KDELR1: variants seen among roughly 807,000 people sequenced by gnomAD.
The protein encoded by KDELR1 is ER lumen protein-retaining receptor 1.
Under a neutral mutation model 25.5 loss-of-function variants are expected in KDELR1, and 16 were observed. The ratio of observed to expected loss-of-function variants is 0.63; its 90% CI spans 0.43 to 0.95. The LOEUF is 0.95. Among genes scored for constraint, KDELR1 ranks in the 40% least tolerant of loss-of-function variants. The pLI is 0.00. For synonymous variants in KDELR1, 121 were observed against 115.0 expected, an observed-to-expected ratio of 1.05 and a Z score of -0.33; for missense variants, 159 against 265.2, an observed-to-expected ratio of 0.60 and a Z score of 2.78.
At chr19:48,387,154 C>T (rs1345362514) in intron 3 of KDELR1, among the ~76,000 whole-genome samples, 1 of 151,916 alleles carries the variant, frequency 6.6e-6, no homozygotes, top group Non-Finnish European at 1.5e-5. Flanking sequence ...CCTCAGTCTC[C>T]CCATCTTCAA....
chr19:48,389,432 G>A (rs866906003), intron 3 of KDELR1, 121 bp downstream of exon 3: 2 of 1,125,082 alleles, frequency 1.8e-6, no homozygotes, highest in East Asian at 2.4e-5. Flanking sequence ...CTGAACTTAT[G>A]CATCCTAAAA....
intron 1 of KDELR1, chr19:48,390,936 G>T: frequency 2.2e-6 from 1 of 463,908 alleles, no homozygotes; most frequent in East Asian, 4.4e-5. Flanking sequence ...TCCCTTCCTG[G>T]CCGCCACGGT....
chr19:48,395,848 G>GCTGGGGAC (rs1970633365), upstream of KDELR1, among the ~76,000 whole-genome samples: 4 of 152,072 alleles, frequency 2.6e-5, no homozygotes, highest in Non-Finnish European at 2.9e-5. Context: ...GAAGAGGGGA[G>GCTGGGGAC]CTGGGGACCT....
chr19:48,386,762 AT>A lies in KDELR1; in HGVS notation c.352-2281del, dbSNP rs1970501111. On this transcript the variant is annotated intron_variant, in intron 3 of 4. Transcript: ENST00000330720. The stretch of plus-strand genomic sequence containing the variant: ...CCACTGCGCCCAGCCTGATGTCTGA[AT>A]TTTTAAAGAATATTTTCCTTAGGTC... Among the ~76,000 whole-genome samples, 3 of 151,924 alleles carry A rather than the reference AT, an allele frequency of 2.0e-5. No homozygotes were observed. In the South Asian group the frequency reaches 6.3e-4, roughly 32 times the overall value.
rs1340093876 is a variant in KDELR1 at position 48,383,046 on chromosome 19, C to A, written c.*247G>T. 3 of 565,442 alleles carry A rather than the reference C, an allele frequency of 5.3e-6. No homozygotes were observed. The highest frequency in any genetic ancestry group is 3.8e-5 in the African/African-American group (2 of 52,838). The allele number at this position is 565,442 out of a possible 1,614,324, so 35.0% of individuals were successfully genotyped here. A position where few individuals can be genotyped will look rare whatever the true frequency, so the allele number is the denominator to read the frequency against. ...TAGAAGAAAAACGAGTCATCAGAAT[C>A]AAAAACTAAAGAGTGGAAAGATTTT... is the stretch of plus-strand genomic sequence containing the variant. On this transcript the variant is annotated 3_prime_UTR_variant, in exon 5 of 5. Coordinates refer to ENST00000330720, the MANE Select transcript of KDELR1 (RefSeq NM_006801.3).
At position 48,382,579 on chromosome 19, in the gene KDELR1, A is replaced by G. The variant is rs1213474046; in HGVS notation, c.*714T>C. On this transcript the variant is annotated 3_prime_UTR_variant, in exon 5 of 5. Coordinates refer to ENST00000330720, the MANE Select transcript of KDELR1 (RefSeq NM_006801.3). ...CAAGGAGCAGCAAAAGAAAGGTTTC[A>G]TTTTCTTCTGTTTATTTCAAGAGAA... 3 of 152,726 alleles carry G rather than the reference A, an allele frequency of 2.0e-5. No homozygotes were observed. Among genetic ancestry groups the G allele is most frequent in the African/African-American group, 7.2e-5 (3 of 41,434 alleles). The allele number at this position is 152,726 out of a possible 1,614,324, so 9.5% of individuals were successfully genotyped here.
chr19:48,394,312 G>A (rs28625353), upstream of KDELR1, among the ~76,000 whole-genome samples: 745 of 151,340 alleles, frequency 4.9e-3, 6 homozygotes, highest in African/African-American at 0.017. The surrounding 1 kb of genome is among the most constrained non-coding windows in gnomAD (Gnocchi z 5.1). Flanking sequence ...GAGTGGGGGA[G>A]TCAAGGGGGG....
At chr19:48,390,956 C>T in intron 1 of KDELR1, 2 of 487,978 alleles carry the variant, frequency 4.1e-6, no homozygotes, top group South Asian at 2.1e-5. Context: ...TCCACGTCAC[C>T]AACTCACAGC....
chr19:48,385,385 C>T (rs963848686), intron 3 of KDELR1, among the ~76,000 whole-genome samples: 1 of 152,220 alleles, frequency 6.6e-6, no homozygotes, highest in African/African-American at 2.4e-5. Context: ...TGGCCACTCG[C>T]ACCAGCAATT....
At chr19:48,392,436 A>G (rs1014095495), upstream of KDELR1, among the ~76,000 whole-genome samples, 2 of 149,008 alleles carry the variant, frequency 1.3e-5, no homozygotes, top group Non-Finnish European at 3.0e-5. Context: ...CCAGGGCCCC[A>G]GCCCCTCCTC....
At chr19:48,395,318 G>A (rs946994588), upstream of KDELR1, among the ~76,000 whole-genome samples, 5 of 146,674 alleles carry the variant, frequency 3.4e-5, no homozygotes, top group Non-Finnish European at 7.5e-5. Context: ...CTCTCCTCTC[G>A]CTCTCCCCTC....
At chr19:48,390,760 G>GGGCA (rs1419859250) in intron 1 of KDELR1, 27 of 505,510 alleles carry the variant, frequency 5.3e-5, no homozygotes, top group African/African-American at 2.0e-5. Context: ...CACAGCCAGG[G>GGGCA]GGCAGCCCAG....
intron 3 of KDELR1, among the ~76,000 whole-genome samples, chr19:48,386,207 C>T (rs1224866301): frequency 4.6e-5 from 7 of 150,954 alleles, no homozygotes; most frequent in East Asian, 2.0e-4. Context: ...CTCCACCTCA[C>T]GGGTTCAAGT....
chr19:48,390,937 C>CCG, intron 1 of KDELR1: 6 of 465,972 alleles, frequency 1.3e-5, no homozygotes, highest in Non-Finnish European at 2.4e-5. Flanking sequence ...CCCTTCCTGG[C>CCG]CGCCACGGTC....
chr19:48,391,178 T>C, intron 1 of KDELR1, 90 bp downstream of exon 1: 1 of 1,117,660 alleles, frequency 8.9e-7, no homozygotes. Context: ...CCTGTGCCCC[T>C]AGTGCCCCCA....
chr19:48,390,730 C>G, intron 1 of KDELR1: 1 of 556,328 alleles, frequency 1.8e-6, no homozygotes. Context: ...CCCGCCTGAG[C>G]AGGGCCCTTT....
intron 3 of KDELR1, among the ~76,000 whole-genome samples, chr19:48,386,679 C>T (rs1970500255): frequency 6.6e-6 from 1 of 151,612 alleles, no homozygotes; most frequent in Non-Finnish European, 1.5e-5. Context: ...AACCCCTGAC[C>T]TCGTGATCCA....
chr19:48,388,752 GAAGA>G (rs1431454719), intron 3 of KDELR1, among the ~76,000 whole-genome samples: 9 of 142,920 alleles, frequency 6.3e-5, no homozygotes, highest in Non-Finnish European at 1.2e-4. Context: ...AGGAAGGAAA[GAAGA>G]AAGAAAGGAA....
upstream of KDELR1, among the ~76,000 whole-genome samples, chr19:48,394,721 G>A (rs1970615521): frequency 6.6e-6 from 1 of 152,186 alleles, no homozygotes; most frequent in Non-Finnish European, 1.5e-5. This position sits in a 1 kb window ranked among gnomAD's most constrained non-coding sequence, Gnocchi z 5.1. Flanking sequence ...GAGAGACAGG[G>A]CAGGACAGGA....
Sources: gnomAD v4.1 joint callset for allele counts (sites outside exome capture counted in the v4.1 genomes callset) on GRCh38, gnomAD v4.1.1 for gene constraint, Gnocchi (gnomAD v3.1) non-coding constraint, MANE v1.5 for transcripts, NCBI Gene and HGNC (gene_info 2026-07-23, HGNC 2026-07-21) for gene names.